The following WNT3A variants were observed in gnomAD, a reference collection of about 807,000 sequenced individuals.
WNT3A encodes Wnt family member 3A.
WNT3A carries 17 observed loss-of-function variants against 37.0 expected under a neutral mutation model. That is an observed-to-expected ratio of 0.46 (90% confidence interval 0.31 to 0.69). The LOEUF (loss-of-function observed/expected upper bound fraction) is 0.69. Among genes scored for constraint, WNT3A ranks in the 30% least tolerant of loss-of-function variants. The pLI is 0.05. For synonymous variants in WNT3A, 187 were observed against 211.0 expected (o/e 0.89, Z 0.99); for missense variants, 411 against 510.2 (o/e 0.81, Z 1.87).
intron 2 of WNT3A, among the ~76,000 whole-genome samples, chr1:228,027,882 T>C (rs2102767635): frequency 6.6e-6 from 1 of 152,338 alleles, no homozygotes. Flanking sequence ...TCCAATGTTG[T>C]CTTCTAGAAT....
rs937172489 is a variant in WNT3A, at chr1:228,059,963, C to T, written c.*498C>T. 2.7e-6 allele frequency: 3 copies of T among 1,111,684 alleles called. No individual in the cohort carries two copies. Among genetic ancestry groups the T allele is most frequent in the Non-Finnish European group, 3.3e-6 (3 of 900,110 alleles). 68.9% of individuals were successfully genotyped at this position (1,111,684 alleles called of 1,614,324 possible). On this transcript the variant is annotated 3_prime_UTR_variant, in exon 4 of 4. Coordinates refer to ENST00000284523, the MANE Select transcript of WNT3A (RefSeq NM_033131.4). ...AGGCTGCTCCCTGAGGGCGGAGCGC[C>T]TCCTTAGGAGTGGGGTTTTATGGTG...
intron 2 of WNT3A, among the ~76,000 whole-genome samples, chr1:228,024,415 C>A (rs943862635): frequency 6.6e-6 from 1 of 152,242 alleles, no homozygotes; most frequent in Non-Finnish European, 1.5e-5. Context: ...TCTCTGATGA[C>A]CGATGATGCC....
intron 3 of WNT3A, among the ~76,000 whole-genome samples, chr1:228,053,780 AAG>A (rs2031609451): frequency 6.6e-6 from 1 of 152,222 alleles, no homozygotes; most frequent in African/African-American, 2.4e-5. Context: ...ATGTCCTGGA[AAG>A]AGAGAGGAGG....
At chr1:228,051,475 G>C (rs944588712) in intron 3 of WNT3A, among the ~76,000 whole-genome samples, 3 of 152,186 alleles carry the variant, frequency 2.0e-5, no homozygotes, top group African/African-American at 7.2e-5. Flanking sequence ...TGTCTGTGCT[G>C]CTACAACAAA....
intron 1 of WNT3A, among the ~76,000 whole-genome samples, chr1:228,018,110 G>A (rs367830188): frequency 3.9e-5 from 6 of 152,278 alleles, no homozygotes; most frequent in African/African-American, 9.6e-5. Flanking sequence ...GAGAACTTGC[G>A]CTGAGAACAG....
chr1:228,012,681 T>A (rs960061918), intron 1 of WNT3A, among the ~76,000 whole-genome samples: 9 of 152,114 alleles, frequency 5.9e-5, no homozygotes, highest in Admixed American at 2.0e-4. Flanking sequence ...CTCTGAAGGC[T>A]ATTGGCTGGG....
At position 228,007,060 on chromosome 1, in the gene WNT3A, G is replaced by C. The variant is rs1227212233; in HGVS notation, c.-69G>C. The C allele has an allele frequency of 7.8e-7, 1 of 1,280,330 alleles. No homozygotes were observed. The highest frequency in any genetic ancestry group is 1.6e-5 in the African/African-American group (1 of 63,046). 79.3% of individuals were successfully genotyped at this position (1,280,330 alleles called of 1,614,324 possible). ...GCGACGCCGCCGCGCCAGCTCCCAGGGCCCGGCCCCCCCCGGCGCTCACGC... is the reference window on the plus strand; with the variant it reads ...GCGACGCCGCCGCGCCAGCTCCCAGCGCCCGGCCCCCCCCGGCGCTCACGC... On this transcript the variant is annotated 5_prime_UTR_variant, in exon 1 of 4. Transcript: ENST00000284523. The surrounding 1 kb of genome is among the most constrained non-coding windows in gnomAD (Gnocchi z 6.0).
At chr1:228,044,041 G>A (rs1425544716) in intron 2 of WNT3A, among the ~76,000 whole-genome samples, 2 of 152,070 alleles carry the variant, frequency 1.3e-5, no homozygotes, top group Non-Finnish European at 2.9e-5. Context: ...GAGTACAATG[G>A]TGTGAACACG....
chr1:228,031,476 G>A lies in WNT3A; in HGVS notation c.313+8568G>A, dbSNP rs528389499. On this transcript the variant is annotated intron_variant, in intron 2 of 3. Coordinates refer to ENST00000284523, the MANE Select transcript of WNT3A (RefSeq NM_033131.4). The surrounding 1 kb of genome is among the most constrained non-coding windows in gnomAD (Gnocchi z 4.8). The stretch of plus-strand genomic sequence containing the variant: ...CCCAGGGCCGTGCAGCTCATCGAGC[G>A]TGTCCAAGGGTGTGTGTGGCGTGTG... Among the ~76,000 whole-genome samples, 1 of 152,252 alleles carries A rather than the reference G, an allele frequency of 6.6e-6. No homozygotes were observed. The highest frequency in any genetic ancestry group is 2.1e-4 in the South Asian group (1 of 4,816).
chr1:228,054,730 A>C (rs1191105979), intron 3 of WNT3A, among the ~76,000 whole-genome samples: 1 of 150,118 alleles, frequency 6.7e-6, no homozygotes, highest in Admixed American at 6.6e-5. Flanking sequence ...AAAAAAAAAA[A>C]AAACACAAGT....
In WNT3A at chr1:228,007,419, G is replaced by C. The variant is rs1465531092; in HGVS notation, c.71+220G>C. On this transcript the variant is annotated intron_variant, in intron 1 of 3. Coordinates refer to ENST00000284523, the MANE Select transcript of WNT3A (RefSeq NM_033131.4). The surrounding 1 kb of genome is among the most constrained non-coding windows in gnomAD (Gnocchi z 6.0). ...AGTTTCCGGAGACATTGATTCCCGA[G>C]CGGGGGAGTAGGGGAGGTTGCGGAG... Among the ~76,000 whole-genome samples the C allele has an allele frequency of 5.3e-5, 8 of 152,174 alleles. No homozygotes were observed. Among genetic ancestry groups the C allele is most frequent in the African/African-American group, 1.9e-4 (8 of 41,458 alleles).
At chr1:228,009,294 T>G (rs1433519829) in intron 1 of WNT3A, among the ~76,000 whole-genome samples, 3 of 152,100 alleles carry the variant, frequency 2.0e-5, no homozygotes, top group Non-Finnish European at 4.4e-5. Context: ...CCCCCAGGCA[T>G]GAGCAGCACC....
intron 1 of WNT3A, among the ~76,000 whole-genome samples, chr1:228,021,724 G>T (rs1044554736): frequency 1.3e-5 from 2 of 152,194 alleles, no homozygotes; most frequent in Non-Finnish European, 2.9e-5. Flanking sequence ...TGGCGGGATG[G>T]GTCTGAGTTC....
At chr1:228,049,436 C>T (rs2031494756) in intron 2 of WNT3A, among the ~76,000 whole-genome samples, 1 of 152,184 alleles carries the variant, frequency 6.6e-6, no homozygotes, top group African/African-American at 2.4e-5. Context: ...TTTAACCATC[C>T]CTGTTAATGG....
Position 228,031,044 on chromosome 1 carries a change from C to A in WNT3A, c.313+8136C>A, listed in dbSNP as rs2030989919. Among the ~76,000 whole-genome samples the A allele has an allele frequency of 6.6e-6, 1 of 152,234 alleles. No individual in the cohort carries two copies. Among genetic ancestry groups the A allele is most frequent in the South Asian group, 2.1e-4 (1 of 4,836 alleles). ...AGGGCTGGTGGGGCCTGGCTGAGGC[C>A]ATCCATGGGCAGGAGCCCTCCAGCA... On this transcript the variant is annotated intron_variant, in intron 2 of 3. Transcript: ENST00000284523. The surrounding 1 kb of genome is among the most constrained non-coding windows in gnomAD (Gnocchi z 4.8).
chr1:228,051,940 C>G (rs1048060596), intron 3 of WNT3A, among the ~76,000 whole-genome samples: 8 of 152,186 alleles, frequency 5.3e-5, no homozygotes, highest in Non-Finnish European at 8.8e-5. Flanking sequence ...GAGGACAGCA[C>G]AAGCCATTCA....
chr1:228,060,205 T>C lies in WNT3A; in HGVS notation c.*740T>C. On this transcript the variant is annotated 3_prime_UTR_variant, in exon 4 of 4. Transcript: ENST00000284523. ...GATTAAGGCGTGGCTTCTGCAGGAA[T>C]CCCGGCTCCAGAGCAGGAAATTCAG... The C allele has an allele frequency of 7.4e-7, 1 of 1,351,704 alleles. No individual in the cohort carries two copies. Among genetic ancestry groups the C allele is most frequent in the Non-Finnish European group, 9.8e-7 (1 of 1,021,508 alleles). The allele number at this position is 1,351,704 out of a possible 1,614,324, so 83.7% of individuals were successfully genotyped here.
chr1:228,039,064 C>T lies in WNT3A; in HGVS notation c.314-11592C>T, dbSNP rs2031212830. ...ACTGGCCACCATGGAGTCCTGCCCT[C>T]GGCCAGTGCATCCCTGCCAGAGCTG... is the stretch of plus-strand genomic sequence containing the variant. On this transcript the variant is annotated intron_variant, in intron 2 of 3. Coordinates refer to ENST00000284523, the MANE Select transcript of WNT3A (RefSeq NM_033131.4). This position sits in a 1 kb window ranked among gnomAD's most constrained non-coding sequence, Gnocchi z 4.1. 2.0e-5 allele frequency among the ~76,000 whole-genome samples: 3 copies of T among 152,268 alleles called. No individual in the cohort carries two copies. The highest frequency in any genetic ancestry group is 2.9e-5 in the Non-Finnish European group (2 of 68,008).
At chr1:228,023,058 G>A (rs947198503) in intron 2 of WNT3A, 150 bp downstream of exon 2, 2 of 1,289,916 alleles carry the variant, frequency 1.6e-6, no homozygotes, top group Non-Finnish European at 2.1e-6. Flanking sequence ...CAGGAGGACG[G>A]TCTGGGGCTG....
Sources: allele counts gnomAD v4.1 joint callset (sites outside exome capture counted in the v4.1 genomes callset), GRCh38; gene constraint gnomAD v4.1.1; non-coding constraint Gnocchi (gnomAD v3.1); transcripts MANE v1.5; gene names NCBI Gene and HGNC (gene_info 2026-07-23, HGNC 2026-07-21).